Variants in COL13A1 observed in about 807,000 individuals in gnomAD.
COL13A1 encodes the protein collagen type XIII alpha 1 chain, also known as collagen alpha-1(XIII) chain.
Under a neutral mutation model 130.9 loss-of-function variants are expected in COL13A1, and 89 were observed. That is an observed-to-expected ratio of 0.68 (90% CI 0.57 to 0.81). The LOEUF (loss-of-function observed/expected upper bound fraction) is 0.81. Ranked by LOEUF, COL13A1 falls within the 30% of genes least tolerant of loss-of-function variation. The probability of loss-of-function intolerance (pLI) is 0.00; values close to 1 mark genes in which losing one functional copy is unlikely to be tolerated. For synonymous variants in COL13A1, 402 were observed against 341.6 expected, an observed-to-expected ratio of 1.18 and a Z score of -1.95; for missense variants, 879 against 934.6, an observed-to-expected ratio of 0.94 and a Z score of 0.78.
chr10:69,941,784 T>G (rs2067671957), intron 35 of COL13A1, among the ~76,000 whole-genome samples: 1 of 152,162 alleles, frequency 6.6e-6, no homozygotes, highest in Non-Finnish European at 1.5e-5. Context: ...GAAAATTCCC[T>G]CCTGTCCACC....
chr10:69,927,911 G>A (rs2065587277), intron 27 of COL13A1, among the ~76,000 whole-genome samples: 1 of 152,222 alleles, frequency 6.6e-6, no homozygotes, highest in Non-Finnish European at 1.5e-5. Flanking sequence ...TGTAATCCCA[G>A]CACTTTGAGA....
At chr10:69,817,098 C>G (rs1298126314) in intron 1 of COL13A1, among the ~76,000 whole-genome samples, 1 of 152,168 alleles carries the variant, frequency 6.6e-6, no homozygotes, top group Non-Finnish European at 1.5e-5. Flanking sequence ...TGTTTCCAAA[C>G]TATGGCTGCT....
At chr10:69,949,704 C>T (rs2069097863) in intron 38 of COL13A1, among the ~76,000 whole-genome samples, 1 of 152,184 alleles carries the variant, frequency 6.6e-6, no homozygotes, top group Non-Finnish European at 1.5e-5. Flanking sequence ...CTTCCCTTTC[C>T]CCTAAGTAGC....
intron 24 of COL13A1, 94 bp downstream of exon 24, chr10:69,923,949 C>A: frequency 6.7e-7 from 1 of 1,496,294 alleles, no homozygotes; most frequent in Non-Finnish European, 9.1e-7. Context: ...TCCCTCAGGG[C>A]ACAAGGCTGA....
intron 22 of COL13A1, 77 bp downstream of exon 22, chr10:69,922,012 G>A: frequency 6.7e-7 from 1 of 1,487,542 alleles, no homozygotes; most frequent in Non-Finnish European, 9.0e-7. Flanking sequence ...ATCCACACAG[G>A]CCCCAGCATT....
At position 69,940,842 on chromosome 10, in the gene COL13A1, T is replaced by C. The variant is rs868259377; in HGVS notation, c.1879-146T>C. Reference sequence around the variant, plus strand: ...AATACCATTCCGTGTCCTCCCAAGCTTATTTCTCCAGTTGTGTTTGATTAC... The same window carrying C: ...AATACCATTCCGTGTCCTCCCAAGCCTATTTCTCCAGTTGTGTTTGATTAC... On this transcript the variant is annotated intron_variant, in intron 34 of 40. Coordinates refer to ENST00000645393, the MANE Select transcript of COL13A1 (RefSeq NM_001368882.1). The C allele has an allele frequency of 2.7e-5, 30 of 1,116,904 alleles. No homozygotes were observed. In the African/African-American group the frequency reaches 4.0e-4, roughly 15 times the overall value. 69.2% of individuals were successfully genotyped at this position (1,116,904 alleles called of 1,614,324 possible). A position where few individuals can be genotyped will look rare whatever the true frequency, so the allele number is the denominator to read the frequency against.
chr10:69,938,677 C>T (rs528792782), intron 34 of COL13A1, among the ~76,000 whole-genome samples: 5 of 152,308 alleles, frequency 3.3e-5, no homozygotes, highest in African/African-American at 9.6e-5. Flanking sequence ...CAGTTACCCC[C>T]GCTTGGCAGA....
Position 69,958,605 on chromosome 10 carries a change from C to G in COL13A1, c.2185-94C>G, listed in dbSNP as rs1400659378. 35 of 1,598,242 alleles carry G rather than the reference C, an allele frequency of 2.2e-5. No individual in the cohort carries two copies. The East Asian group carries it at 7.6e-4, about 35-fold the overall frequency. On this transcript the variant is annotated intron_variant, in intron 40 of 40. Coordinates refer to ENST00000645393, the MANE Select transcript of COL13A1 (RefSeq NM_001368882.1). Reference sequence around the variant, plus strand: ...TCTCCTGTCCAGAACTCCCATCCAACCCAGGACAAGATTTACCTCCCTTCC... The same window carrying G: ...TCTCCTGTCCAGAACTCCCATCCAAGCCAGGACAAGATTTACCTCCCTTCC...
intron 38 of COL13A1, among the ~76,000 whole-genome samples, chr10:69,949,693 G>A (rs919188856): frequency 1.3e-5 from 2 of 152,226 alleles, no homozygotes; most frequent in Non-Finnish European, 1.5e-5. Flanking sequence ...CACTAAGGGT[G>A]CTTCCCTTTC....
intron 36 of COL13A1, among the ~76,000 whole-genome samples, chr10:69,945,127 G>A (rs923794396): frequency 3.9e-5 from 6 of 152,152 alleles, no homozygotes; most frequent in South Asian, 2.1e-4. Flanking sequence ...CTCAGGGCTC[G>A]GAGGTCCCTG....
chr10:69,866,311 C>A (rs1186500554), intron 2 of COL13A1, among the ~76,000 whole-genome samples: 2 of 152,198 alleles, frequency 1.3e-5, no homozygotes, highest in Non-Finnish European at 2.9e-5. Flanking sequence ...ATCACCAGAG[C>A]CTGCCACAGT....
chr10:69,878,748 TG>T (rs2059860015), intron 6 of COL13A1, among the ~76,000 whole-genome samples: 1 of 152,224 alleles, frequency 6.6e-6, no homozygotes, highest in African/African-American at 2.4e-5. Context: ...CCCAAAGTGC[TG>T]GGATTACAGG....
At chr10:69,870,475 G>A (rs2058954120) in intron 3 of COL13A1, among the ~76,000 whole-genome samples, 2 of 110,612 alleles carry the variant, frequency 1.8e-5, no homozygotes, top group South Asian at 7.4e-4. Context: ...CCCACACCTG[G>A]CTAATTTTTT....
In COL13A1 at chr10:69,820,608, G is replaced by A. The variant is rs150033488; in HGVS notation, c.295-1761G>A. Among the ~76,000 whole-genome samples, 17 of 152,302 alleles carry A rather than the reference G, an allele frequency of 1.1e-4. No individual in the cohort carries two copies. In the East Asian group the frequency reaches 2.1e-3, roughly 19 times the overall value. On this transcript the variant is annotated intron_variant, in intron 1 of 40. Transcript: ENST00000645393. ...GGGCTCATTTGTTTGCCCAGCGGCC[G>A]CTCTGTGCCCACCTGTACCTTGGCC...
At position 69,925,889 on chromosome 10, in the gene COL13A1, C is replaced by A; in HGVS notation, c.1398+17C>A. ...GCTCTCCAGGTGAGCAGGGTCCAGC[C>A]CAGAGGCCAAGATCCTCATGGATCT... On this transcript the variant is annotated intron_variant, in intron 26 of 40. Transcript: ENST00000645393. 1 of 1,575,160 alleles carries A rather than the reference C, an allele frequency of 6.3e-7. No homozygotes were observed. The highest frequency in any genetic ancestry group is 8.6e-7 in the Non-Finnish European group (1 of 1,158,234).
intron 34 of COL13A1, among the ~76,000 whole-genome samples, chr10:69,940,653 T>G (rs2067495263): frequency 6.6e-6 from 1 of 152,126 alleles, no homozygotes; most frequent in South Asian, 2.1e-4. Flanking sequence ...CTGTATCCCT[T>G]TCCCCATAAC....
At chr10:69,819,331 G>A (rs893879459) in intron 1 of COL13A1, among the ~76,000 whole-genome samples, 3 of 152,178 alleles carry the variant, frequency 2.0e-5, no homozygotes, top group Non-Finnish European at 2.9e-5. Context: ...CCTTAGGTTG[G>A]GTTCCCAAGG....
chr10:69,901,115 C>T (rs965579474), intron 14 of COL13A1, among the ~76,000 whole-genome samples: 1 of 152,192 alleles, frequency 6.6e-6, no homozygotes, highest in Admixed American at 6.5e-5. Flanking sequence ...AGGCCTGAGG[C>T]TTAGTGAAGC....
rs566883205 is a variant in COL13A1 at position 69,865,967 on chromosome 10, G to A, written c.365-1831G>A. On this transcript the variant is annotated intron_variant, in intron 2 of 40. Coordinates refer to ENST00000645393, the MANE Select transcript of COL13A1 (RefSeq NM_001368882.1). ...CCTCAGTTTCTTCATCCGCAAGGCG[G>A]GAATGATAGAACCTATTGCATAATG... is the stretch of plus-strand genomic sequence containing the variant. 2.6e-5 allele frequency among the ~76,000 whole-genome samples: 4 copies of A among 152,322 alleles called. No homozygotes were observed. The South Asian group carries it at 6.2e-4, about 24-fold the overall frequency.
Sources: gnomAD v4.1 joint callset for allele counts (sites outside exome capture counted in the v4.1 genomes callset) on GRCh38, gnomAD v4.1.1 for gene constraint, MANE v1.5 for transcripts, NCBI Gene and HGNC (gene_info 2026-07-23, HGNC 2026-07-21) for gene names.